The following FAM135B variants were observed in gnomAD, a reference collection of about 807,000 sequenced individuals.
FAM135B encodes protein FAM135B.
Under a neutral mutation model 127.7 loss-of-function variants are expected in FAM135B, and 43 were observed. That is an observed-to-expected ratio of 0.34 (90% CI 0.26 to 0.43). The LOEUF (loss-of-function observed/expected upper bound fraction) is 0.43, where lower values mean the gene tolerates loss of function less well. Among genes scored for constraint, FAM135B ranks in the 20% least tolerant of loss-of-function variants. FAM135B has a pLI of 1.00. For synonymous variants in FAM135B, 670 were observed against 665.1 expected (o/e 1.01, Z -0.11); for missense variants, 1,558 against 1,725.6 (o/e 0.90, Z 1.72).
At chr8:138,202,834 C>T (rs1305488609) in intron 7 of FAM135B, among the ~76,000 whole-genome samples, 2 of 152,146 alleles carry the variant, frequency 1.3e-5, no homozygotes, top group East Asian at 3.9e-4. Flanking sequence ...CAGTGATCCA[C>T]TCAGAAGCCT....
At position 138,151,798 on chromosome 8, in the gene FAM135B, T is replaced by A. The variant is rs920315029; in HGVS notation, c.2677A>T (p.Thr893Ser). Residue 893 changes from threonine to serine, a missense_variant, in exon 13 of 20, where the codon ACC (threonine) becomes TCC (serine). Physicochemically the swap from Thr to Ser is moderately conservative, Grantham distance 58 (BLOSUM62 1). Coordinates refer to ENST00000395297, the MANE Select transcript of FAM135B (RefSeq NM_015912.4). Reference sequence around the variant, plus strand: ...TCAAGTGCTCTATGAAGAGATCTGGTCCTGGGGTTTTCAAGTGCTATGACG... The same window carrying A: ...TCAAGTGCTCTATGAAGAGATCTGGACCTGGGGTTTTCAAGTGCTATGACG... Reference protein sequence around the residue: ...PRVIALENPRTRSLHRALEET... With the variant: ...PRVIALENPRSRSLHRALEET... 1.2e-6 allele frequency: 2 copies of A among 1,614,016 alleles called. No individual in the cohort carries two copies. The highest frequency in any genetic ancestry group is 2.7e-5 in the African/African-American group (2 of 74,906).
intron 7 of FAM135B, among the ~76,000 whole-genome samples, chr8:138,217,311 T>A (rs777693847): frequency 6.6e-6 from 1 of 152,224 alleles, no homozygotes; most frequent in East Asian, 1.9e-4. Context: ...AAAAAGTTCT[T>A]AGCTTAAGAG....
At chr8:138,405,191 A>G (rs1358384697) in intron 1 of FAM135B, among the ~76,000 whole-genome samples, 1 of 151,778 alleles carries the variant, frequency 6.6e-6, no homozygotes, top group Non-Finnish European at 1.5e-5. Context: ...ATTTTCAATG[A>G]GTAGTAATAT....
chr8:138,210,285 A>G (rs1818038845), intron 7 of FAM135B, among the ~76,000 whole-genome samples: 3 of 152,210 alleles, frequency 2.0e-5, no homozygotes, highest in Admixed American at 2.0e-4. Flanking sequence ...ACACTGGGGC[A>G]GGCACAGAGT....
chr8:138,337,073 A>C (rs936706992), intron 2 of FAM135B, among the ~76,000 whole-genome samples: 25 of 152,168 alleles, frequency 1.6e-4, no homozygotes, highest in African/African-American at 4.8e-4. Flanking sequence ...CATGCTAAAA[A>C]CTCTCAATAA....
intron 3 of FAM135B, among the ~76,000 whole-genome samples, chr8:138,299,411 G>A (rs1325979882): frequency 1.3e-5 from 2 of 152,110 alleles, no homozygotes; most frequent in East Asian, 1.9e-4. Flanking sequence ...AAACAACAAT[G>A]AGCCCAGCAG....
intron 8 of FAM135B, among the ~76,000 whole-genome samples, chr8:138,196,548 C>T (rs769341498): frequency 2.6e-5 from 4 of 152,124 alleles, no homozygotes; most frequent in Non-Finnish European, 5.9e-5. Context: ...AAATTTTTTA[C>T]GTGATGATTT....
At chr8:138,371,407 TTCA>T (rs1831112109) in intron 1 of FAM135B, among the ~76,000 whole-genome samples, 1 of 151,938 alleles carries the variant, frequency 6.6e-6, no homozygotes, top group South Asian at 2.1e-4. Flanking sequence ...CACACAAATC[TTCA>T]TCACACACAC....
In FAM135B at chr8:138,207,400, GA is replaced by G. The variant is rs1227163314; in HGVS notation, c.670-9732del. On this transcript the variant is annotated intron_variant, in intron 7 of 19. Coordinates refer to ENST00000395297, the MANE Select transcript of FAM135B (RefSeq NM_015912.4). ...ATTTTTGTATTTTTTAGTAGAGATGGAGTTTCATCATGTTGGTCAGGCTGGT... is the reference window on the plus strand; with the variant it reads ...ATTTTTGTATTTTTTAGTAGAGATGGGTTTCATCATGTTGGTCAGGCTGGT... 5.9e-5 allele frequency among the ~76,000 whole-genome samples: 9 copies of G among 151,958 alleles called. No individual in the cohort carries two copies. The East Asian group carries it at 1.5e-3, about 26-fold the overall frequency.
intron 3 of FAM135B, among the ~76,000 whole-genome samples, chr8:138,303,070 C>T (rs756657570): frequency 6.6e-6 from 1 of 152,150 alleles, no homozygotes; most frequent in African/African-American, 2.4e-5. Flanking sequence ...TTTGCCCTAG[C>T]AATCCCATTA....
chr8:138,161,564 T>C (rs1348404358), intron 12 of FAM135B, among the ~76,000 whole-genome samples: 1 of 152,164 alleles, frequency 6.6e-6, no homozygotes, highest in African/African-American at 2.4e-5. Flanking sequence ...TTAGCAGAAG[T>C]TAAATCAATG....
At chr8:138,443,257 G>C (rs1324388014) in intron 1 of FAM135B, among the ~76,000 whole-genome samples, 1 of 152,280 alleles carries the variant, frequency 6.6e-6, no homozygotes, top group South Asian at 2.1e-4. Flanking sequence ...ATAGGTTATT[G>C]AGACAGAAAT....
At position 138,314,693 on chromosome 8, in the gene FAM135B, C is replaced by CAGTAAATAAATAAATAAATAAATAAATA. The variant is rs1554662772; in HGVS notation, c.78-3774_78-3773insTATTTATTTATTTATTTATTTATTTACT. On this transcript the variant is annotated intron_variant, in intron 2 of 19. Transcript: ENST00000395297. ...GCAATATATGGAGACCCCATCCCTA[C>CAGTAAATAAATAAATAAATAAATAAATA]AATAAATAAATAAATAAATAAATAA... Among the ~76,000 whole-genome samples, 71 of 120,296 alleles carry CAGTAAATAAATAAATAAATAAATAAATA rather than the reference C, an allele frequency of 5.9e-4. 1 individual carries two copies. Among genetic ancestry groups the CAGTAAATAAATAAATAAATAAATAAATA allele is most frequent in the Admixed American group, 2.8e-3 (33 of 11,792 alleles). The allele number at this position is 120,296 out of a possible 152,430, so 78.9% of individuals were successfully genotyped here.
Position 138,196,268 on chromosome 8 carries a change from C to T in FAM135B, c.824-961G>A, listed in dbSNP as rs148414324. On this transcript the variant is annotated intron_variant, in intron 8 of 19. Transcript: ENST00000395297. ...TTCATTTGAGCTATATAAAGTCACTCTGATTCTGTGCAGGTCATTCCTGCA... is the reference window on the plus strand; with the variant it reads ...TTCATTTGAGCTATATAAAGTCACTTTGATTCTGTGCAGGTCATTCCTGCA... Among the ~76,000 whole-genome samples, 3 of 152,312 alleles carry T rather than the reference C, an allele frequency of 2.0e-5. No individual in the cohort carries two copies. The East Asian group carries it at 5.8e-4, about 29-fold the overall frequency.
chr8:138,323,400 A>G (rs1434438061), intron 2 of FAM135B, among the ~76,000 whole-genome samples: 6 of 152,226 alleles, frequency 3.9e-5, no homozygotes, highest in African/African-American at 1.4e-4. Context: ...CTAATGAAAT[A>G]AAAGTGCACA....
intron 1 of FAM135B, among the ~76,000 whole-genome samples, chr8:138,427,491 A>C (rs1435103334): frequency 6.6e-6 from 1 of 152,076 alleles, no homozygotes; most frequent in Non-Finnish European, 1.5e-5. Context: ...TTGACCTATG[A>C]GACAATAATT....
chr8:138,425,474 T>G (rs1246829496), intron 1 of FAM135B: 1 of 152,166 alleles, frequency 6.6e-6, no homozygotes, highest in Non-Finnish European at 1.5e-5. Flanking sequence ...GGACAGAACC[T>G]CCTTATGTAT....
chr8:138,291,743 C>T (rs1825126236), intron 3 of FAM135B, among the ~76,000 whole-genome samples: 1 of 152,118 alleles, frequency 6.6e-6, no homozygotes, highest in African/African-American at 2.4e-5. Context: ...AACATCCTTT[C>T]ATGATAAAAA....
At chr8:138,420,363 T>C (rs1834420576) in intron 1 of FAM135B, among the ~76,000 whole-genome samples, 1 of 151,888 alleles carries the variant, frequency 6.6e-6, no homozygotes, top group Admixed American at 6.6e-5. Context: ...TAATAAAAAA[T>C]CTATCAATCA....
Sources: gnomAD v4.1 joint callset for allele counts (sites outside exome capture counted in the v4.1 genomes callset) on GRCh38, gnomAD v4.1.1 for gene constraint, MANE v1.5 for transcripts, NCBI Gene and HGNC (gene_info 2026-07-23, HGNC 2026-07-21) for gene names.